DPY19L3: variants seen among roughly 807,000 people sequenced by gnomAD.
DPY19L3 encodes the protein protein C-mannosyl-transferase DPY19L3.
In DPY19L3, 51 loss-of-function variants were observed where a neutral mutation model predicts 92.3. The observed-to-expected ratio is 0.55, with a 90% CI of 0.44 to 0.70. The LOEUF (loss-of-function observed/expected upper bound fraction) is 0.70. Ranked by LOEUF, DPY19L3 falls within the 30% of genes least tolerant of loss-of-function variation. The pLI, the probability that DPY19L3 is intolerant of heterozygous loss-of-function variation, is 0.00. For missense variants in DPY19L3, 706 were observed against 855.9 expected, an observed-to-expected ratio of 0.82 and a Z score of 2.18; for synonymous variants, 309 against 315.2, an observed-to-expected ratio of 0.98 and a Z score of 0.21.
intron 12 of DPY19L3, among the ~76,000 whole-genome samples, chr19:32,461,939 T>G (rs1568353401): frequency 6.6e-6 from 1 of 152,220 alleles, no homozygotes; most frequent in Non-Finnish European, 1.5e-5. Context: ...CGTCCTGTTT[T>G]CTGTGGAAAT....
At chr19:32,447,696 A>G (rs1422930290) in intron 8 of DPY19L3, among the ~76,000 whole-genome samples, 2 of 151,700 alleles carry the variant, frequency 1.3e-5, no homozygotes, top group Non-Finnish European at 2.9e-5. Flanking sequence ...AGCCTGGGCA[A>G]TGAGAGCGAA....
At chr19:32,445,461 A>AAAAAAAAAAAAAAC (rs1969466800) in intron 8 of DPY19L3, among the ~76,000 whole-genome samples, 1 of 149,008 alleles carries the variant, frequency 6.7e-6, no homozygotes, top group Non-Finnish European at 1.5e-5. Flanking sequence ...AAAAAAAAAA[A>AAAAAAAAAAAAAAC]CCATCAACCT....
intron 4 of DPY19L3, 125 bp from the exon 5 acceptor site, chr19:32,436,321 T>C: frequency 1.7e-6 from 1 of 579,200 alleles, no homozygotes; most frequent in East Asian, 3.6e-5. Context: ...TTTTTTTTGC[T>C]TACTCTTATA....
At chr19:32,445,060 A>G (rs570045806) in intron 8 of DPY19L3, among the ~76,000 whole-genome samples, 123 of 149,126 alleles carry the variant, frequency 8.2e-4, no homozygotes, top group African/African-American at 3.1e-3. Flanking sequence ...TGGGCAACAG[A>G]GCAAGACCCA....
intron 16 of DPY19L3, among the ~76,000 whole-genome samples, chr19:32,476,776 C>T (rs17692307): frequency 0.026 from 3,932 of 152,142 alleles, 65 homozygotes; most frequent in Middle Eastern, 0.075. Flanking sequence ...TAATCAGGAC[C>T]AAAGGTATAT....
chr19:32,411,480 C>T (rs561953775), intron 3 of DPY19L3, 108 bp downstream of exon 3: 3 of 1,205,616 alleles, frequency 2.5e-6, no homozygotes, highest in East Asian at 2.4e-5. Flanking sequence ...AGAATCCAAT[C>T]TCTAGAAAGG....
intron 18 of DPY19L3, 111 bp from the exon 19 acceptor site, chr19:32,481,968 T>A: frequency 1.6e-6 from 2 of 1,238,596 alleles, no homozygotes; most frequent in Non-Finnish European, 2.2e-6. Flanking sequence ...AATAATATAA[T>A]TTAATTTCAC....
chr19:32,478,921 G>A (rs1191093987), intron 17 of DPY19L3, among the ~76,000 whole-genome samples: 1 of 152,006 alleles, frequency 6.6e-6, no homozygotes, highest in African/African-American at 2.4e-5. Context: ...GCTGGGTCAG[G>A]GTTGTTGACA....
At position 32,411,474 on chromosome 19, in the gene DPY19L3, T is replaced by A. The variant is rs759376356; in HGVS notation, c.237+102T>A. 21 of 1,283,570 alleles carry A rather than the reference T, an allele frequency of 1.6e-5. No individual in the cohort carries two copies. The African/African-American group carries it at 2.2e-4, about 14-fold the overall frequency. The allele number at this position is 1,283,570 out of a possible 1,614,324, so 79.5% of individuals were successfully genotyped here. On this transcript the variant is annotated intron_variant, in intron 3 of 18. Coordinates refer to ENST00000392250, the MANE Select transcript of DPY19L3 (RefSeq NM_001172774.2). ...GGCAACACAGTTTTGCCATAAAGAA[T>A]CCAATCTCTAGAAAGGTTGGACTAT...
chr19:32,463,480 T>C lies in DPY19L3; in HGVS notation c.1437T>C (p.Ser479=), dbSNP rs147642168. ...HTILFGFLAL[S]TMRMKYLWTS... ...TTCTGTTTGGATTCTTGGCATTGAG[T>C]ACAATGAGGTATTTTTGTCTTACCT... is the stretch of plus-strand genomic sequence containing the variant. The change falls in exon 13 of 19, where the codon AGT becomes AGC. Residue 479 remains serine, a synonymous_variant. Coordinates refer to ENST00000392250, the MANE Select transcript of DPY19L3 (RefSeq NM_001172774.2). The C allele has an allele frequency of 1.2e-4, 198 of 1,612,484 alleles. No homozygotes were observed. The African/African-American group carries it at 2.3e-3, about 19-fold the overall frequency.
At position 32,436,992 on chromosome 19, in the gene DPY19L3, C is replaced by T. The variant is rs1046285592; in HGVS notation, c.451-202C>T. Among the ~76,000 whole-genome samples, 5 of 151,354 alleles carry T rather than the reference C, an allele frequency of 3.3e-5. No individual in the cohort carries two copies. The East Asian group carries it at 7.8e-4, about 24-fold the overall frequency. On this transcript the variant is annotated intron_variant, in intron 5 of 18. Transcript: ENST00000392250. ...GTAAAGAGTGAAGCCAGACCTGTCACGGACTTCCTTCCCCTGTCTCTTCTC... is the reference window on the plus strand; with the variant it reads ...GTAAAGAGTGAAGCCAGACCTGTCATGGACTTCCTTCCCCTGTCTCTTCTC...
chr19:32,439,663 T>G, intron 7 of DPY19L3, 113 bp from the exon 8 acceptor site: 1 of 1,065,964 alleles, frequency 9.4e-7, no homozygotes, highest in Non-Finnish European at 1.3e-6. Context: ...GAGCAACAGT[T>G]TATGGTTTTT....
At chr19:32,415,536 T>C (rs886437962) in intron 3 of DPY19L3, among the ~76,000 whole-genome samples, 2 of 152,200 alleles carry the variant, frequency 1.3e-5, no homozygotes, top group African/African-American at 2.4e-5. Context: ...GATAGAACTC[T>C]CTCTGAATGT....
chr19:32,461,895 G>A (rs1296560658), intron 12 of DPY19L3, among the ~76,000 whole-genome samples: 5 of 152,150 alleles, frequency 3.3e-5, no homozygotes, highest in Middle Eastern at 3.2e-3. Flanking sequence ...CAGGCAGTGT[G>A]TGCTTCCCGG....
chr19:32,438,276 G>T (rs956358622), intron 6 of DPY19L3, among the ~76,000 whole-genome samples: 1 of 152,020 alleles, frequency 6.6e-6, no homozygotes, highest in East Asian at 1.9e-4. Context: ...CCTGTTGGGG[G>T]TTTACTGTAT....
chr19:32,467,869 A>G, intron 15 of DPY19L3: 1 of 984,846 alleles, frequency 1.0e-6, no homozygotes, highest in South Asian at 4.7e-5. Flanking sequence ...TGGGTAATTC[A>G]GAGAGTAATT....
At position 32,470,781 on chromosome 19, in the gene DPY19L3, C is replaced by CTTTTTTTTTT. The variant is rs71336911; in HGVS notation, c.1697+1981_1697+1990dup. 1.0e-3 allele frequency among the ~76,000 whole-genome samples: 92 copies of CTTTTTTTTTT among 91,184 alleles called. 1 individual carries two copies. The highest frequency in any genetic ancestry group is 1.1e-3 in the Non-Finnish European group (57 of 50,380). The allele number at this position is 91,184 out of a possible 152,430, so 59.8% of individuals were successfully genotyped here. Reference sequence around the variant, plus strand: ...TTTTGTAGTAGACATATTCCTTTGGCTTTTTTTTTTTTTTTTTTTTTTGTA... The same window carrying CTTTTTTTTTT: ...TTTTGTAGTAGACATATTCCTTTGGCTTTTTTTTTTTTTTTTTTTTTTTTTTTTTTTTGTA... On this transcript the variant is annotated intron_variant, in intron 16 of 18. Transcript: ENST00000392250.
At chr19:32,432,437 G>A (rs939831866) in intron 3 of DPY19L3, among the ~76,000 whole-genome samples, 1 of 151,740 alleles carries the variant, frequency 6.6e-6, no homozygotes, top group African/African-American at 2.4e-5. Flanking sequence ...CCTGTTTTGT[G>A]TCTCACTGCT....
At chr19:32,453,115 C>G in intron 8 of DPY19L3, 30 bp from the exon 9 acceptor site, 1 of 1,612,876 alleles carries the variant, frequency 6.2e-7, no homozygotes, top group South Asian at 1.1e-5. Flanking sequence ...GGTAAAATGT[C>G]TGTACTCATC....
Sources: allele counts gnomAD v4.1 joint callset (sites outside exome capture counted in the v4.1 genomes callset), GRCh38; gene constraint gnomAD v4.1.1; transcripts MANE v1.5; gene names NCBI Gene and HGNC (gene_info 2026-07-23, HGNC 2026-07-21).